The following SYCP1 variants were observed in gnomAD, a reference collection of about 807,000 sequenced individuals.
SYCP1 encodes the protein cancer/testis antigen 8.
SYCP1 carries 64 observed loss-of-function variants against 153.1 expected under a neutral mutation model. That is an observed-to-expected ratio of 0.42 (90% CI 0.34 to 0.51). The LOEUF (loss-of-function observed/expected upper bound fraction) is 0.51, where lower values mean the gene tolerates loss of function less well. SYCP1 is among the 20% of genes least tolerant of loss of function. SYCP1 has a pLI of 0.06. For synonymous variants in SYCP1, 384 were observed against 341.8 expected, an observed-to-expected ratio of 1.12 and a Z score of -1.36; for missense variants, 997 against 1,049.0, an observed-to-expected ratio of 0.95 and a Z score of 0.68.
intron 27 of SYCP1, among the ~76,000 whole-genome samples, chr1:114,958,142 A>G (rs1277525528): frequency 1.3e-5 from 2 of 152,236 alleles, no homozygotes; most frequent in Non-Finnish European, 2.9e-5. Context: ...TTGCAACTAC[A>G]TGGATGGAGC....
chr1:114,897,162 G>A (rs1667129558), intron 16 of SYCP1, among the ~76,000 whole-genome samples: 1 of 152,152 alleles, frequency 6.6e-6, no homozygotes, highest in Non-Finnish European at 1.5e-5. Flanking sequence ...TTAGAATAAG[G>A]ATAAGGATAA....
At chr1:114,944,575 T>G in intron 24 of SYCP1, 120 bp downstream of exon 24, 2 of 657,954 alleles carry the variant, frequency 3.0e-6, no homozygotes, top group Non-Finnish European at 2.6e-6. Context: ...AAAGGGTTAG[T>G]AAATTTATAT....
At chr1:114,920,237 C>T (rs568797193) in intron 20 of SYCP1, among the ~76,000 whole-genome samples, 2 of 151,966 alleles carry the variant, frequency 1.3e-5, no homozygotes, top group African/African-American at 4.8e-5. Flanking sequence ...CTTTATTGAC[C>T]CACTAACCAT....
intron 15 of SYCP1, among the ~76,000 whole-genome samples, chr1:114,894,633 A>G (rs776589862): frequency 1.4e-4 from 22 of 152,174 alleles, no homozygotes; most frequent in Non-Finnish European, 4.4e-5. Context: ...AGAAAACAAG[A>G]ACAGGAGGTA....
chr1:114,859,173 C>T (rs928640438), intron 6 of SYCP1, among the ~76,000 whole-genome samples: 3 of 152,144 alleles, frequency 2.0e-5, no homozygotes, highest in Non-Finnish European at 4.4e-5. Flanking sequence ...CTGCAACCTT[C>T]GCCTCCCTGG....
chr1:114,868,908 T>G (rs1037542895), intron 8 of SYCP1, among the ~76,000 whole-genome samples: 1 of 152,190 alleles, frequency 6.6e-6, no homozygotes, highest in African/African-American at 2.4e-5. Flanking sequence ...CATTTATGGA[T>G]TAGTAATTTG....
At chr1:114,981,230 G>A in intron 28 of SYCP1, 106 bp from the exon 29 acceptor site, 1 of 813,364 alleles carries the variant, frequency 1.2e-6, no homozygotes. Context: ...GGATAAATTT[G>A]CTTATTTTGT....
chr1:114,859,793 T>C lies in SYCP1; in HGVS notation c.507T>C (p.Asn169=). 1 of 751,096 alleles carries C rather than the reference T, an allele frequency of 1.3e-6. No homozygotes were observed. The highest frequency in any genetic ancestry group is 1.9e-6 in the Non-Finnish European group (1 of 523,226). The allele number at this position is 751,096 out of a possible 1,614,324, so 46.5% of individuals were successfully genotyped here. ...SLKLEEGIQE[N]KDLIKENNAT... ...AATTAGAAGAAGGAATACAAGAAAA[T>C]AAAGATTTAATAAAAGAGTAAGTAG... Residue 169 remains asparagine, a synonymous_variant, in exon 7 of 32, where the codon AAT becomes AAC. Transcript: ENST00000369522.
intron 30 of SYCP1, among the ~76,000 whole-genome samples, chr1:114,989,026 G>A (rs1457942871): frequency 2.0e-5 from 3 of 151,880 alleles, no homozygotes; most frequent in African/African-American, 7.3e-5. Flanking sequence ...AATTAGTCAG[G>A]CATTGTGGTG....
intron 12 of SYCP1, 138 bp downstream of exon 12, chr1:114,878,340 G>A: frequency 3.5e-6 from 2 of 565,508 alleles, no homozygotes; most frequent in Admixed American, 3.5e-5. Context: ...GGTTGGAGGA[G>A]GGCATAATAG....
Position 114,994,731 on chromosome 1 carries a change from C to T in SYCP1, c.2737C>T (p.Leu913=). ...TTCAGAAGAAGAGACATTGAAAACACTGTATAGGAACAATAATCCACCAGC... is the reference window on the plus strand; with the variant it reads ...TTCAGAAGAAGAGACATTGAAAACATTGTATAGGAACAATAATCCACCAGC... ...MVSEEETLKT[L]YRNNNPPASH... is the part of the protein sequence containing the mutation. Residue 913 remains leucine, a synonymous_variant, in exon 31 of 32, where the codon CTG becomes TTG. Transcript: ENST00000369522. The T allele has an allele frequency of 6.3e-7, 1 of 1,580,870 alleles. No individual in the cohort carries two copies. The highest frequency in any genetic ancestry group is 8.6e-7 in the Non-Finnish European group (1 of 1,168,922).
intron 8 of SYCP1, among the ~76,000 whole-genome samples, chr1:114,863,612 T>A (rs4506457): frequency 0.028 from 4,322 of 152,238 alleles, 92 homozygotes; most frequent in Non-Finnish European, 0.046. Context: ...CCTGGCATTT[T>A]AATAATTGCC....
intron 15 of SYCP1, among the ~76,000 whole-genome samples, chr1:114,894,263 T>C (rs1352576350): frequency 6.6e-6 from 1 of 152,180 alleles, no homozygotes; most frequent in Non-Finnish European, 1.5e-5. Context: ...TAATTTTCTT[T>C]AAAGACTGTG....
intron 15 of SYCP1, among the ~76,000 whole-genome samples, chr1:114,890,028 CAATTG>C (rs1276296434): frequency 6.6e-6 from 1 of 151,898 alleles, no homozygotes; most frequent in Non-Finnish European, 1.5e-5. Flanking sequence ...ATTAAAAATG[CAATTG>C]TATTATATGA....
chr1:114,900,908 TTGA>T (rs1289291417), intron 16 of SYCP1, among the ~76,000 whole-genome samples: 2 of 152,256 alleles, frequency 1.3e-5, no homozygotes, highest in Non-Finnish European at 2.9e-5. Flanking sequence ...TATTTATATT[TTGA>T]TGATATCTGC....
intron 12 of SYCP1, among the ~76,000 whole-genome samples, chr1:114,882,305 ACAGT>A (rs1243702484): frequency 2.0e-5 from 3 of 152,170 alleles, no homozygotes; most frequent in Admixed American, 2.0e-4. Context: ...TTCTATTTCA[ACAGT>A]TTTGCCTTTC....
chr1:114,950,511 A>G (rs1671025635), intron 27 of SYCP1, among the ~76,000 whole-genome samples: 1 of 152,152 alleles, frequency 6.6e-6, no homozygotes, highest in South Asian at 2.1e-4. Context: ...CCCATATCTC[A>G]GAGTTTACTG....
At chr1:114,985,912 G>GA (rs11395393) in intron 30 of SYCP1, among the ~76,000 whole-genome samples, 26,296 of 121,622 alleles carry the variant, frequency 0.22, 2,829 homozygotes, top group East Asian at 0.52. Context: ...CAAAAAATTT[G>GA]AAAAAAAAAA....
chr1:114,932,058 C>T (rs1182946905), intron 23 of SYCP1, among the ~76,000 whole-genome samples: 1 of 152,064 alleles, frequency 6.6e-6, no homozygotes, highest in Non-Finnish European at 1.5e-5. Context: ...CATATACAAA[C>T]ATTAATTTTA....
Sources: allele counts gnomAD v4.1 joint callset (sites outside exome capture counted in the v4.1 genomes callset), GRCh38; gene constraint gnomAD v4.1.1; transcripts MANE v1.5; gene names NCBI Gene and HGNC (gene_info 2026-07-23, HGNC 2026-07-21).